Variants in XXYLT1 observed in about 807,000 individuals in gnomAD.
The protein encoded by XXYLT1 is UDP-xylose:alpha-xyloside alpha-1,3-xylosyltransferase.
XXYLT1 carries 20 observed loss-of-function variants against 28.9 expected under a neutral mutation model. The ratio of observed to expected loss-of-function variants is 0.69; its 90% CI spans 0.49 to 1.00. The LOEUF is 1.00. Among genes scored for constraint, XXYLT1 ranks in the 50% least tolerant of loss-of-function variants. The probability of loss-of-function intolerance (pLI) is 0.00; values close to 1 mark genes in which losing one functional copy is unlikely to be tolerated. For missense variants in XXYLT1, 542 were observed against 560.1 expected, an observed-to-expected ratio of 0.97 and a Z score of 0.33; for synonymous variants, 257 against 253.8, an observed-to-expected ratio of 1.01 and a Z score of -0.12.
rs1718732768 is a variant in XXYLT1 at position 195,128,213 on chromosome 3, G to A, written c.785+28236C>T. 2.0e-5 allele frequency among the ~76,000 whole-genome samples: 3 copies of A among 152,126 alleles called. No individual in the cohort carries two copies. In the South Asian group the frequency reaches 6.2e-4, roughly 32 times the overall value. On this transcript the variant is annotated intron_variant, in intron 3 of 3. Transcript: ENST00000310380. Reference sequence around the variant, plus strand: ...GTGTTGATAGCTCAGCCTCAGTACAGCCCCCCAGGGAGGCAAATGACTGAC... The same window carrying A: ...GTGTTGATAGCTCAGCCTCAGTACAACCCCCCAGGGAGGCAAATGACTGAC...
chr3:195,089,802 C>A (rs1716028233), intron 3 of XXYLT1, among the ~76,000 whole-genome samples: 1 of 150,944 alleles, frequency 6.6e-6, no homozygotes, highest in African/African-American at 2.4e-5. Flanking sequence ...CAGAGACACA[C>A]ATAGGCTCAA....
In XXYLT1 at chr3:195,271,079, C is replaced by T; in HGVS notation, c.-21G>A. On this transcript the variant is annotated 5_prime_UTR_variant, in exon 1 of 4. Transcript: ENST00000310380. ...CCCATGCGCTACGAGACCGCGGCGCCAGCGGTGCCAGCAACGCGGGAGAGC... is the reference window on the plus strand; with the variant it reads ...CCCATGCGCTACGAGACCGCGGCGCTAGCGGTGCCAGCAACGCGGGAGAGC... The T allele has an allele frequency of 7.6e-7, 1 of 1,315,694 alleles. No homozygotes were observed. The highest frequency in any genetic ancestry group is 9.7e-7 in the Non-Finnish European group (1 of 1,036,018). The allele number at this position is 1,315,694 out of a possible 1,614,324, so 81.5% of individuals were successfully genotyped here. A position where few individuals can be genotyped will look rare whatever the true frequency, so the allele number is the denominator to read the frequency against.
At chr3:195,247,717 AAAG>A in intron 1 of XXYLT1, 3 of 686,798 alleles carry the variant, frequency 4.4e-6, no homozygotes, top group African/African-American at 1.8e-5. Flanking sequence ...ACACTGCTGT[AAAG>A]AAGGACCCAA....
At chr3:195,126,868 AT>A (rs1256280846) in intron 3 of XXYLT1, among the ~76,000 whole-genome samples, 1 of 152,182 alleles carries the variant, frequency 6.6e-6, no homozygotes, top group Non-Finnish European at 1.5e-5. Flanking sequence ...GTAGGAGGTG[AT>A]TTGATTTTCT....
chr3:195,094,042 C>G (rs1220779277), intron 3 of XXYLT1: 1 of 156,554 alleles, frequency 6.4e-6, no homozygotes, highest in South Asian at 2.0e-4. Flanking sequence ...TCCTCCTCCT[C>G]CTCTTCCTCC....
At chr3:195,237,472 G>A (rs779227043) in intron 1 of XXYLT1, among the ~76,000 whole-genome samples, 51 of 152,166 alleles carry the variant, frequency 3.4e-4, no homozygotes, top group Non-Finnish European at 7.2e-4. Flanking sequence ...CCTACCCTCT[G>A]CAGTGCTTCT....
intron 1 of XXYLT1, among the ~76,000 whole-genome samples, chr3:195,261,463 T>TAAAGA (rs764386184): frequency 7.3e-5 from 11 of 151,102 alleles, no homozygotes; most frequent in African/African-American, 1.2e-4. Flanking sequence ...AAAAGGAAAT[T>TAAAGA]AAAGAAAAGA....
chr3:195,226,040 G>C (rs923167976), intron 2 of XXYLT1, among the ~76,000 whole-genome samples: 16 of 152,132 alleles, frequency 1.1e-4, no homozygotes, highest in African/African-American at 3.1e-4. Context: ...TCAATATCCA[G>C]GGCTCCAGAA....
At position 195,088,309 on chromosome 3, in the gene XXYLT1, T is replaced by C. The variant is rs1042263191; in HGVS notation, c.786-18198A>G. Among the ~76,000 whole-genome samples the C allele has an allele frequency of 1.3e-4, 19 of 150,030 alleles. No homozygotes were observed. In the East Asian group the frequency reaches 2.0e-3, roughly 16 times the overall value. On this transcript the variant is annotated intron_variant, in intron 3 of 3. Coordinates refer to ENST00000310380, the MANE Select transcript of XXYLT1 (RefSeq NM_152531.5). ...TGTCTGACAGCTTTGAAGAGAGCAG[T>C]GGTTCTCCCAGCACGCAGCTGGAGA...
At chr3:195,267,710 A>G (rs543632169) in intron 1 of XXYLT1, among the ~76,000 whole-genome samples, 64 of 152,322 alleles carry the variant, frequency 4.2e-4, no homozygotes, top group African/African-American at 1.5e-3. Flanking sequence ...GTTACTAAGG[A>G]ACAGTGCTTG....
At position 195,133,203 on chromosome 3, in the gene XXYLT1, G is replaced by A. The variant is rs1253988961; in HGVS notation, c.785+23246C>T. ...AAGAGAAAGACGGCTGAAGCCCCAG[G>A]TGCCCCGCCTGCTGAGCAGACAGAT... is the stretch of plus-strand genomic sequence containing the variant. On this transcript the variant is annotated intron_variant, in intron 3 of 3. Transcript: ENST00000310380. This position sits in a 1 kb window ranked among gnomAD's most constrained non-coding sequence, Gnocchi z 4.4. 2.0e-5 allele frequency among the ~76,000 whole-genome samples: 3 copies of A among 152,184 alleles called. No individual in the cohort carries two copies. Among genetic ancestry groups the A allele is most frequent in the Admixed American group, 1.3e-4 (2 of 15,282 alleles).
chr3:195,113,856 C>T (rs868356987), intron 3 of XXYLT1, among the ~76,000 whole-genome samples: 1 of 152,054 alleles, frequency 6.6e-6, no homozygotes, highest in South Asian at 2.1e-4. Flanking sequence ...CTGAGGCCGG[C>T]GGGCAAAGAA....
chr3:195,175,457 G>A (rs546867863), intron 2 of XXYLT1, among the ~76,000 whole-genome samples: 54 of 152,276 alleles, frequency 3.5e-4, no homozygotes, highest in African/African-American at 1.2e-3. Context: ...GCCAAGCTTC[G>A]GAAAGGGCAC....
intron 3 of XXYLT1, among the ~76,000 whole-genome samples, chr3:195,111,559 T>C (rs111713333): frequency 1.1e-3 from 167 of 152,182 alleles, no homozygotes; most frequent in African/African-American, 4.0e-3. Context: ...TGGTGCTCAG[T>C]GTCTCTCATG....
intron 1 of XXYLT1, among the ~76,000 whole-genome samples, chr3:195,243,907 A>G (rs1248046030): frequency 6.6e-6 from 1 of 152,172 alleles, no homozygotes; most frequent in East Asian, 1.9e-4. Context: ...CAAACAGCTG[A>G]GAGGGGAAAA....
At chr3:195,100,012 A>G (rs1486901042) in intron 3 of XXYLT1, among the ~76,000 whole-genome samples, 1 of 152,224 alleles carries the variant, frequency 6.6e-6, no homozygotes, top group Non-Finnish European at 1.5e-5. Flanking sequence ...AAGAAGACAG[A>G]CTAAATAAAG....
intron 1 of XXYLT1, among the ~76,000 whole-genome samples, chr3:195,267,268 C>T (rs1725875078): frequency 6.6e-6 from 1 of 152,258 alleles, no homozygotes; most frequent in African/African-American, 2.4e-5. Flanking sequence ...GAGGAGCCCC[C>T]AGGCTATCTT....
At chr3:195,218,618 C>A (rs1723682661) in intron 2 of XXYLT1, among the ~76,000 whole-genome samples, 2 of 152,122 alleles carry the variant, frequency 1.3e-5, no homozygotes, top group African/African-American at 4.8e-5. Flanking sequence ...CAATGAGATA[C>A]CATCTCACAC....
At position 195,115,307 on chromosome 3, in the gene XXYLT1, G is replaced by A. The variant is rs140251415; in HGVS notation, c.785+41142C>T. Among the ~76,000 whole-genome samples the A allele has an allele frequency of 1.9e-4, 29 of 152,254 alleles. No homozygotes were observed. In the East Asian group the frequency reaches 3.7e-3, roughly 19 times the overall value. On this transcript the variant is annotated intron_variant, in intron 3 of 3. Transcript: ENST00000310380. The surrounding 1 kb of genome is among the most constrained non-coding windows in gnomAD (Gnocchi z 4.2). ...AAGCAGGGCAGTGGTGGTGATTTCT[G>A]TCCAAACTCCATAATCCTCAGACCT... is the stretch of plus-strand genomic sequence containing the variant.
Sources: allele counts gnomAD v4.1 joint callset (sites outside exome capture counted in the v4.1 genomes callset), GRCh38; gene constraint gnomAD v4.1.1; non-coding constraint Gnocchi (gnomAD v3.1); transcripts MANE v1.5; gene names NCBI Gene and HGNC (gene_info 2026-07-23, HGNC 2026-07-21).